Variants in MYOF observed in about 807,000 individuals in gnomAD.
The protein encoded by MYOF is myoferlin, also known as fer-1-like 3, myoferlin.
Under a neutral mutation model 284.2 loss-of-function variants are expected in MYOF, and 244 were observed. The ratio of observed to expected loss-of-function variants is 0.86; its 90% CI spans 0.77 to 0.95. The LOEUF (loss-of-function observed/expected upper bound fraction) is 0.95. Among genes scored for constraint, MYOF ranks in the 40% least tolerant of loss-of-function variants. The pLI, the probability that MYOF is intolerant of heterozygous loss-of-function variation, is 0.00. For synonymous variants in MYOF, 904 were observed against 919.7 expected (o/e 0.98, Z 0.31); for missense variants, 2,496 against 2,560.6 (o/e 0.97, Z 0.54).
chr10:93,475,725 A>C (rs1009464561), intron 1 of MYOF, among the ~76,000 whole-genome samples: 1 of 152,244 alleles, frequency 6.6e-6, no homozygotes, highest in African/African-American at 2.4e-5. Flanking sequence ...CAAATCCTAC[A>C]GTAAAGGAGA....
chr10:93,353,422 T>C (rs948406071), intron 32 of MYOF, among the ~76,000 whole-genome samples: 6 of 152,118 alleles, frequency 3.9e-5, no homozygotes, highest in Non-Finnish European at 5.9e-5. Context: ...GGCAAACTTA[T>C]CATCTTTTTG....
intron 35 of MYOF, among the ~76,000 whole-genome samples, chr10:93,350,273 A>G (rs978089379): frequency 1.3e-5 from 2 of 151,848 alleles, no homozygotes; most frequent in African/African-American, 4.8e-5. Flanking sequence ...GACTGATCGT[A>G]TTATCTGTCA....
At chr10:93,472,101 A>G (rs191059670) in intron 1 of MYOF, among the ~76,000 whole-genome samples, 1 of 152,264 alleles carries the variant, frequency 6.6e-6, no homozygotes, top group Admixed American at 6.5e-5. Context: ...CCATCACAGG[A>G]GAGCTGCCTT....
intron 39 of MYOF, among the ~76,000 whole-genome samples, chr10:93,339,093 A>C (rs1216403441): frequency 1.3e-5 from 2 of 148,174 alleles, no homozygotes; most frequent in African/African-American, 2.5e-5. Flanking sequence ...GCTCACTGCA[A>C]CCTCTGCCTT....
At chr10:93,307,089 C>T in intron 53 of MYOF, 88 bp from the exon 54 acceptor site, 1 of 1,223,024 alleles carries the variant, frequency 8.2e-7, no homozygotes, top group Non-Finnish European at 1.2e-6. Context: ...AAAAAATTGA[C>T]ATTTTGAACC....
chr10:93,336,057 C>A lies in MYOF; in HGVS notation c.4438-11G>T. On this transcript the variant is annotated splice_polypyrimidine_tract_variant and intron_variant, in intron 40 of 53. Coordinates refer to ENST00000359263, the MANE Select transcript of MYOF (RefSeq NM_013451.4). ...TTCACAATTATATATCTGAAAACCA[C>A]CAACAGAGTCTTAATTTCTCATTAA... 6.2e-7 allele frequency: 1 copy of A among 1,611,802 alleles called. No homozygotes were observed. Among genetic ancestry groups the A allele is most frequent in the Non-Finnish European group, 8.5e-7 (1 of 1,179,240 alleles).
chr10:93,309,455 G>A (rs1423739067), intron 53 of MYOF, among the ~76,000 whole-genome samples: 1 of 152,132 alleles, frequency 6.6e-6, no homozygotes, highest in Non-Finnish European at 1.5e-5. Context: ...TTAAGGGGGA[G>A]GTTATACGTG....
At position 93,319,853 on chromosome 10, in the gene MYOF, G is replaced by A. The variant is rs758239044; in HGVS notation, c.5598+19C>T. 133 of 1,613,624 alleles carry A rather than the reference G, an allele frequency of 8.2e-5. No individual in the cohort carries two copies. The highest frequency in any genetic ancestry group is 1.9e-4 in the South Asian group (17 of 91,042). ...AGATCCATGATACCCACTTCCCAGC[G>A]GCATATTTCAGAGCTCACTTTTTTC... On this transcript the variant is annotated intron_variant, in intron 49 of 53. Transcript: ENST00000359263.
Position 93,415,456 on chromosome 10 carries a change from A to G in MYOF, c.434-5717T>C, listed in dbSNP as rs1293882861. Among the ~76,000 whole-genome samples, 3 of 152,226 alleles carry G rather than the reference A, an allele frequency of 2.0e-5. No individual in the cohort carries two copies. The East Asian group carries it at 5.8e-4, about 29-fold the overall frequency. ...AAACTTTCCTGAATCCTGGTCTGAG[A>G]TGGCCACTAATTAACCAGCACAGTC... On this transcript the variant is annotated intron_variant, in intron 5 of 53. Coordinates refer to ENST00000359263, the MANE Select transcript of MYOF (RefSeq NM_013451.4).
chr10:93,369,632 T>C lies in MYOF; in HGVS notation c.2589+13A>G, dbSNP rs1425805153. On this transcript the variant is annotated intron_variant, in intron 25 of 53. Coordinates refer to ENST00000359263, the MANE Select transcript of MYOF (RefSeq NM_013451.4). ...GACCAAAGAAGAAAAGATAGTGAAA[T>C]CATTAAAGGTACCATTTCAGCAAAG... The C allele has an allele frequency of 3.7e-6, 6 of 1,613,330 alleles. No homozygotes were observed. The Admixed American group carries it at 1.0e-4, about 27-fold the overall frequency.
At chr10:93,434,911 G>A (rs976958333) in intron 3 of MYOF, among the ~76,000 whole-genome samples, 2 of 152,050 alleles carry the variant, frequency 1.3e-5, no homozygotes, top group African/African-American at 4.8e-5. Context: ...CAAACAAGGT[G>A]AAAGCCCCGA....
chr10:93,454,727 C>G (rs1239050403), intron 2 of MYOF, among the ~76,000 whole-genome samples: 1 of 152,072 alleles, frequency 6.6e-6, no homozygotes, highest in African/African-American at 2.4e-5. Flanking sequence ...CCTGTAAACT[C>G]AGCACTTTGG....
Position 93,343,898 on chromosome 10 carries a change from G to C in MYOF, c.4284C>G (p.Ile1428Met), listed in dbSNP as rs754100245. 9.9e-6 allele frequency: 16 copies of C among 1,614,050 alleles called. No individual in the cohort carries two copies. In the African/African-American group the frequency reaches 1.9e-4, roughly 19 times the overall value. The change falls in exon 38 of 54, where the codon ATC becomes ATG. Residue 1428 changes from isoleucine to methionine, a missense_variant. By Grantham distance (10) the Ile-to-Met change is conservative. This residue lies in a region of MYOF where 2,436 missense variants were observed against 2,480.7 expected (regional missense o/e 0.98). Transcript: ENST00000359263. ...GTTTGGTGTCTTCCATTTCGATAAC[G>C]ATGTCCCGGCATGGTGGGGCAGACA... Reference protein sequence around the residue: ...SLLSAPPCRDIVIEMEDTKPL... With the variant: ...SLLSAPPCRDMVIEMEDTKPL...
intron 41 of MYOF, among the ~76,000 whole-genome samples, chr10:93,335,051 G>A (rs1312320057): frequency 6.6e-6 from 1 of 152,216 alleles, no homozygotes; most frequent in African/African-American, 2.4e-5. Context: ...ATGGAGGCAT[G>A]AACCCAGACC....
At chr10:93,357,420 G>A (rs771499317) in intron 29 of MYOF, among the ~76,000 whole-genome samples, 2 of 152,168 alleles carry the variant, frequency 1.3e-5, no homozygotes, top group East Asian at 3.9e-4. Context: ...AGTTTTCAAT[G>A]TTATATTCTC....
chr10:93,326,464 A>T (rs983497966), intron 45 of MYOF, among the ~76,000 whole-genome samples: 1 of 152,240 alleles, frequency 6.6e-6, no homozygotes. Context: ...CTGCAGAGCT[A>T]GAAGACGGCA....
At chr10:93,315,405 C>G (rs1842572582) in intron 50 of MYOF, among the ~76,000 whole-genome samples, 1 of 152,054 alleles carries the variant, frequency 6.6e-6, no homozygotes, top group Non-Finnish European at 1.5e-5. Flanking sequence ...AATGGAGTGG[C>G]TGGCGGGGCG....
At chr10:93,393,221 T>C (rs1379209179) in intron 16 of MYOF, among the ~76,000 whole-genome samples, 1 of 152,148 alleles carries the variant, frequency 6.6e-6, no homozygotes, top group African/African-American at 2.4e-5. Context: ...AGAGCTAGCT[T>C]CCCGGGGACA....
chr10:93,370,113 A>G (rs1437931107), intron 24 of MYOF, among the ~76,000 whole-genome samples: 3 of 152,160 alleles, frequency 2.0e-5, no homozygotes, highest in Non-Finnish European at 4.4e-5. Context: ...GCAACAGTGG[A>G]AAAAACTCCT....
Sources: allele counts gnomAD v4.1 joint callset (sites outside exome capture counted in the v4.1 genomes callset), GRCh38; gene constraint gnomAD v4.1.1; regional missense constraint gnomAD v4.1.1; transcripts MANE v1.5; gene names NCBI Gene and HGNC (gene_info 2026-07-23, HGNC 2026-07-21).